Variants in EVPL observed in about 807,000 individuals in gnomAD.
EVPL encodes envoplakin, also known as 210 kDa cornified envelope precursor protein.
In EVPL, 94 loss-of-function variants were observed where a neutral mutation model predicts 129.7. The observed-to-expected ratio is 0.72, with a 90% CI of 0.61 to 0.86. EVPL has a LOEUF of 0.86. Among genes scored for constraint, EVPL ranks in the 40% least tolerant of loss-of-function variants. The pLI, the probability that EVPL is intolerant of heterozygous loss-of-function variation, is 0.00. For missense variants in EVPL, 2,625 were observed against 2,721.1 expected, an observed-to-expected ratio of 0.96 and a Z score of 0.79; for synonymous variants, 1,172 against 1,191.1, an observed-to-expected ratio of 0.98 and a Z score of 0.33.
chr17:76,017,058 C>G (rs1352880514), intron 14 of EVPL, among the ~76,000 whole-genome samples: 2 of 152,040 alleles, frequency 1.3e-5, no homozygotes, highest in Non-Finnish European at 2.9e-5. Flanking sequence ...ACTAAAAATA[C>G]AAAAATTAGT....
Position 76,022,718 on chromosome 17 carries a change from C to A in EVPL, c.481-180G>T, listed in dbSNP as rs1446349339. Among the ~76,000 whole-genome samples the A allele has an allele frequency of 5.3e-5, 8 of 152,200 alleles. No homozygotes were observed. Among genetic ancestry groups the A allele is most frequent in the African/African-American group, 1.2e-4 (5 of 41,454 alleles). ...GGGCGAGGCCATTCTGCAGTGGCCC[C>A]TGAGTCCCACTGGTTCCCAGACGCT... is the stretch of plus-strand genomic sequence containing the variant. On this transcript the variant is annotated intron_variant, in intron 4 of 21. Transcript: ENST00000301607. This position sits in a 1 kb window ranked among gnomAD's most constrained non-coding sequence, Gnocchi z 5.6.
Position 76,008,045 on chromosome 17 carries a change from C to T in EVPL, c.5160G>A (p.Glu1720=), listed in dbSNP as rs1214873329. ...RGQYLQLQEL[E]CDWEEVTTSG... ...AGGTGGTGACCTCCTCCCAGTCACA[C>T]TCGAGCTCCTGCAGCTGCAAGTACT... is the stretch of plus-strand genomic sequence containing the variant. The change falls in exon 22 of 22, where the codon GAG becomes GAA. Residue 1720 remains glutamate (E), a synonymous_variant. Coordinates refer to ENST00000301607, the MANE Select transcript of EVPL (RefSeq NM_001988.4). This position sits in a 1 kb window ranked among gnomAD's most constrained non-coding sequence, Gnocchi z 7.4. The T allele has an allele frequency of 1.9e-6, 3 of 1,614,190 alleles. No homozygotes were observed. The highest frequency in any genetic ancestry group is 2.5e-6 in the Non-Finnish European group (3 of 1,180,030).
Position 76,021,850 on chromosome 17 carries a change from G to A in EVPL, c.807+17C>T. On this transcript the variant is annotated intron_variant, in intron 7 of 21. Transcript: ENST00000301607. ...GCCCTGGCCGCCCCCACCTGGCCCC[G>A]ACCTCTGCCAGCCGACCTCGTACTC... The A allele has an allele frequency of 1.9e-6, 3 of 1,561,894 alleles. No homozygotes were observed. Among genetic ancestry groups the A allele is most frequent in the Non-Finnish European group, 1.7e-6 (2 of 1,160,540 alleles).
chr17:76,009,368 C>T lies in EVPL; in HGVS notation c.3837G>A (p.Glu1279=). 1.2e-6 allele frequency: 2 copies of T among 1,613,796 alleles called. No homozygotes were observed. Among genetic ancestry groups the T allele is most frequent in the South Asian group, 1.1e-5 (1 of 91,082 alleles). ...EIDRLKAQLN[E]LVNSHGRSQE... ...GGGAGCGCCCGTGGCTGTTGACGAG[C>T]TCGTTGAGCTGAGCCTTCAGGCGGT... Residue 1279 remains glutamate (E), a synonymous_variant, in exon 22 of 22, where the codon GAG becomes GAA. Transcript: ENST00000301607. This position sits in a 1 kb window ranked among gnomAD's most constrained non-coding sequence, Gnocchi z 5.9.
rs763205786 is a variant in EVPL at position 76,022,158 on chromosome 17, G to T, written c.645+31C>A. ...GGGCGGCCACCCAGGCCCACCCGCA[G>T]CCTCCCTGCCCGACCCTCCCTCCTG... On this transcript the variant is annotated intron_variant, in intron 6 of 21. Transcript: ENST00000301607. The surrounding 1 kb of genome is among the most constrained non-coding windows in gnomAD (Gnocchi z 5.6). The T allele has an allele frequency of 7.5e-6, 12 of 1,610,506 alleles. No individual in the cohort carries two copies. The highest frequency in any genetic ancestry group is 1.0e-5 in the Non-Finnish European group (12 of 1,179,072).
In EVPL at chr17:76,007,144, A is replaced by G. The variant is rs773976452; in HGVS notation, c.6061T>C (p.Tyr2021His). Residue 2021 changes from tyrosine (Y) to histidine (H), a missense_variant, in exon 22 of 22, where the codon TAC becomes CAC. Physicochemically the swap from Tyr to His is moderately conservative, Grantham distance 83. Transcript: ENST00000301607. The surrounding 1 kb of genome is among the most constrained non-coding windows in gnomAD (Gnocchi z 8.8). ...GGGACGGTGGGGGAGGCGGAGCGGTAGCAGCGGTACCCCTCCAGTGCCGCT... is the reference window on the plus strand; with the variant it reads ...GGGACGGTGGGGGAGGCGGAGCGGTGGCAGCGGTACCCCTCCAGTGCCGCT... ...LPAALEGYRC[Y>H]RSASPTVPRS... 6.7e-7 allele frequency: 1 copy of G among 1,490,336 alleles called. No homozygotes were observed. The highest frequency in any genetic ancestry group is 2.3e-5 in the East Asian group (1 of 43,500). 92.3% of individuals were successfully genotyped at this position (1,490,336 alleles called of 1,614,324 possible). A position where few individuals can be genotyped will look rare whatever the true frequency, so the allele number is the denominator to read the frequency against.
intron 14 of EVPL, among the ~76,000 whole-genome samples, 166 bp from the exon 15 acceptor site, chr17:76,015,794 G>A (rs1370416949): frequency 6.6e-6 from 1 of 152,196 alleles, no homozygotes; most frequent in African/African-American, 2.4e-5. Flanking sequence ...GTTCCTCTGT[G>A]GATGACCTGG....
chr17:76,017,609 C>G lies in EVPL; in HGVS notation c.1710+130G>C, dbSNP rs902318888. The G allele has an allele frequency of 1.3e-5, 17 of 1,295,878 alleles. No individual in the cohort carries two copies. In the East Asian group the frequency reaches 3.3e-4, roughly 25 times the overall value. The allele number at this position is 1,295,878 out of a possible 1,614,324, so 80.3% of individuals were successfully genotyped here. On this transcript the variant is annotated intron_variant, in intron 14 of 21. Coordinates refer to ENST00000301607, the MANE Select transcript of EVPL (RefSeq NM_001988.4). ...GGAGGGGAACCAGCTTGTCTGAGCC[C>G]GGGTCTGTCCACACCCTTCTCCATC...
chr17:76,015,369 C>T lies in EVPL; in HGVS notation c.1890-4G>A, dbSNP rs201792692. On this transcript the variant is annotated splice_polypyrimidine_tract_variant and splice_region_variant and intron_variant, in intron 15 of 21. Coordinates refer to ENST00000301607, the MANE Select transcript of EVPL (RefSeq NM_001988.4). ...CAGATCCAGGGCAGCCTTGGCTCTG[C>T]CGCAGAGGAGGCAAGGCTCAGACAC... The T allele has an allele frequency of 1.6e-4, 250 of 1,603,502 alleles. No homozygotes were observed. Among genetic ancestry groups the T allele is most frequent in the Non-Finnish European group, 1.0e-5 (12 of 1,177,226 alleles).
chr17:76,009,682 C>G lies in EVPL; in HGVS notation c.3523G>C (p.Asp1175His), dbSNP rs142112425. Reference protein sequence around the residue: ...KNATLARELSDLHSKYSVVEK... With the variant: ...KNATLARELSHLHSKYSVVEK... Reference sequence around the variant, plus strand: ...ACCACGCTGTACTTGCTGTGCAGGTCGCTCAGCTCCCTGGCCAGCGTCGCG... The same window carrying G: ...ACCACGCTGTACTTGCTGTGCAGGTGGCTCAGCTCCCTGGCCAGCGTCGCG... The change falls in exon 22 of 22, where the codon GAC becomes CAC. Residue 1175 changes from aspartate to histidine, a missense_variant. By Grantham distance (81) the Asp-to-His change is moderately conservative. This residue lies in a region of EVPL where 1,453 missense variants were observed against 1,511.8 expected (regional missense o/e 0.96). Coordinates refer to ENST00000301607, the MANE Select transcript of EVPL (RefSeq NM_001988.4). The surrounding 1 kb of genome is among the most constrained non-coding windows in gnomAD (Gnocchi z 5.9). 1.1e-5 allele frequency: 17 copies of G among 1,613,524 alleles called. No individual in the cohort carries two copies. The highest frequency in any genetic ancestry group is 1.7e-5 in the Admixed American group (1 of 60,020).
Position 76,009,756 on chromosome 17 carries a change from T to C in EVPL, c.3449A>G (p.Gln1150Arg), listed in dbSNP as rs758334386. The C allele has an allele frequency of 3.7e-6, 6 of 1,613,724 alleles. No individual in the cohort carries two copies. In the East Asian group the frequency reaches 1.3e-4, roughly 36 times the overall value. Residue 1150 changes from glutamine to arginine, a missense_variant, in exon 22 of 22, where the codon CAG becomes CGG. Transcript: ENST00000301607. The surrounding 1 kb of genome is among the most constrained non-coding windows in gnomAD (Gnocchi z 5.9). ...KKVEQDPGLL[Q>R]ESSRLRSLLE... is the part of the protein sequence containing the mutation. ...GAGGCTCCTCAGCCTGGAGGACTCCTGGAGGAGCCCTGGGTCCTGCTCCAC... is the reference window on the plus strand; with the variant it reads ...GAGGCTCCTCAGCCTGGAGGACTCCCGGAGGAGCCCTGGGTCCTGCTCCAC...
rs1567916204 is a variant in EVPL at position 76,021,922 on chromosome 17, T to G, written c.752A>C (p.Gln251Pro). The G allele has an allele frequency of 2.6e-6, 4 of 1,559,774 alleles. No individual in the cohort carries two copies. Among genetic ancestry groups the G allele is most frequent in the Non-Finnish European group, 3.4e-6 (4 of 1,159,824 alleles). ...ALAEQQRRIL[Q>P]QDWSDLMADP... The stretch of plus-strand genomic sequence containing the variant: ...GGCCATGAGGTCGCTCCAGTCCTGC[T>G]GCAGGATGCGGCGCTGCTGCTCAGC... Residue 251 changes from glutamine to proline, a missense_variant, in exon 7 of 22, where the codon CAG (glutamine) becomes CCG (proline). Gln to Pro is a moderately conservative substitution (Grantham distance 76). Coordinates refer to ENST00000301607, the MANE Select transcript of EVPL (RefSeq NM_001988.4).
intron 9 of EVPL, 104 bp downstream of exon 9, chr17:76,021,364 C>G: frequency 9.1e-7 from 1 of 1,102,318 alleles, no homozygotes; most frequent in Non-Finnish European, 1.3e-6. Flanking sequence ...CCAGCTCTGT[C>G]TAGTTGGGAG....
rs777687661 is a variant in EVPL, at chr17:76,008,257, C to A, written c.4948G>T (p.Asp1650Tyr). The change falls in exon 22 of 22, where the codon GAC becomes TAC. Residue 1650 changes from aspartate to tyrosine, a missense_variant. Coordinates refer to ENST00000301607, the MANE Select transcript of EVPL (RefSeq NM_001988.4). This position sits in a 1 kb window ranked among gnomAD's most constrained non-coding sequence, Gnocchi z 7.4. ...GTCCGCTCCTTCTCGTAGATCTGGT[C>A]CTTCTCGCGGAGGATGGCCGCCTCC... The part of the protein sequence containing the change: ...RLEAAILREK[D>Y]QIYEKERTLR... The A allele has an allele frequency of 6.2e-7, 1 of 1,613,160 alleles. No individual in the cohort carries two copies. Among genetic ancestry groups the A allele is most frequent in the Non-Finnish European group, 8.5e-7 (1 of 1,180,000 alleles).
chr17:76,019,067 G>C lies in EVPL; in HGVS notation c.1138-7C>G, dbSNP rs1034150241. 1 of 1,575,420 alleles carries C rather than the reference G, an allele frequency of 6.3e-7. No homozygotes were observed. The highest frequency in any genetic ancestry group is 8.6e-7 in the Non-Finnish European group (1 of 1,169,088). ...CCAGCCGTTTTTCCTCTGCCTGCCG[G>C]GGGCCCAGGCAGTGGGGGACTCAGG... On this transcript the variant is annotated splice_region_variant and splice_polypyrimidine_tract_variant and intron_variant, in intron 10 of 21. Transcript: ENST00000301607.
chr17:76,013,032 C>T lies in EVPL; in HGVS notation c.2374-943G>A, dbSNP rs2066391129. On this transcript the variant is annotated intron_variant, in intron 18 of 21. Coordinates refer to ENST00000301607, the MANE Select transcript of EVPL (RefSeq NM_001988.4). The surrounding 1 kb of genome is among the most constrained non-coding windows in gnomAD (Gnocchi z 4.3). ...GTGCTGGGATTACAGGCGTGAGCCACCGCGCCCGGCCTGAGAATTCATATT... is the reference window on the plus strand; with the variant it reads ...GTGCTGGGATTACAGGCGTGAGCCATCGCGCCCGGCCTGAGAATTCATATT... 6.6e-6 allele frequency among the ~76,000 whole-genome samples: 1 copy of T among 152,186 alleles called. No individual in the cohort carries two copies. The highest frequency in any genetic ancestry group is 2.1e-4 in the South Asian group (1 of 4,828).
intron 14 of EVPL, 131 bp from the exon 15 acceptor site, chr17:76,015,759 A>G (rs915967774): frequency 3.2e-6 from 3 of 930,454 alleles, no homozygotes; most frequent in Non-Finnish European, 4.7e-6. Context: ...AGGCCAGAGA[A>G]CTGCGTTCAG....
Position 76,014,484 on chromosome 17 carries a change from C to G in EVPL, c.2315G>C (p.Ser772Thr), listed in dbSNP as rs1415816577. Residue 772 changes from serine to threonine, a missense_variant, in exon 18 of 22, where the codon AGC becomes ACC. By Grantham distance (58) the Ser-to-Thr change is moderately conservative (BLOSUM62 1). This residue lies in a region of EVPL where 1,024 missense variants were observed against 997.5 expected (regional missense o/e 1.03). Transcript: ENST00000301607. ...LSSWLEHLPRSQVRPSDGPSQ... is the reference protein window; with the variant it reads ...LSSWLEHLPRTQVRPSDGPSQ... ...GGGGCCGTCGCTGGGCCGCACCTGG[C>G]TGCGGGGCAGGTGCTCCAGCCAGGA... 3 of 1,611,936 alleles carry G rather than the reference C, an allele frequency of 1.9e-6. No homozygotes were observed. The African/African-American group carries it at 4.0e-5, about 22-fold the overall frequency.
In EVPL at chr17:76,015,324, G is replaced by T; in HGVS notation, c.1931C>A (p.Ala644Glu). 1.9e-6 allele frequency: 3 copies of T among 1,603,034 alleles called. No homozygotes were observed. The highest frequency in any genetic ancestry group is 1.7e-6 in the Non-Finnish European group (2 of 1,178,846). ...ALDLERQIQD[A>E]DRVIRGFEAT... ...CTCGAAGCCTCGGATGACCCTGTCC[G>T]CATCCTGGATCTGCCGCTCCAGATC... Residue 644 changes from alanine to glutamate, a missense_variant, in exon 16 of 22, where the codon GCG (alanine) becomes GAG (glutamate). By Grantham distance (107) the Ala-to-Glu change is moderately radical (BLOSUM62 -1). Transcript: ENST00000301607.
Sources: gnomAD v4.1 joint callset for allele counts (sites outside exome capture counted in the v4.1 genomes callset) on GRCh38, gnomAD v4.1.1 for gene constraint, gnomAD v4.1.1 regional missense constraint, Gnocchi (gnomAD v3.1) non-coding constraint, MANE v1.5 for transcripts, NCBI Gene and HGNC (gene_info 2026-07-23, HGNC 2026-07-21) for gene names.